ZFP64: variants seen among roughly 807,000 people sequenced by gnomAD.
The protein encoded by ZFP64 is ZFP64 zinc finger protein.
ZFP64 carries 14 observed loss-of-function variants against 51.6 expected under a neutral mutation model. The ratio of observed to expected loss-of-function variants is 0.27; its 90% CI spans 0.18 to 0.42. The LOEUF is 0.42. Among genes scored for constraint, ZFP64 ranks in the 10% least tolerant of loss-of-function variants. The probability of loss-of-function intolerance (pLI) is 1.00; values close to 1 mark genes in which losing one functional copy is unlikely to be tolerated. For missense variants in ZFP64, 754 were observed against 906.8 expected, an observed-to-expected ratio of 0.83 and a Z score of 2.16; for synonymous variants, 375 against 361.4, an observed-to-expected ratio of 1.04 and a Z score of -0.43.
Position 52,164,746 on chromosome 20 carries a change from T to C in ZFP64, c.460A>G (p.Lys154Glu). The C allele has an allele frequency of 1.9e-6, 3 of 1,608,558 alleles. No individual in the cohort carries two copies. The highest frequency in any genetic ancestry group is 2.5e-6 in the Non-Finnish European group (3 of 1,178,620). Residue 154 changes from lysine (K) to glutamate (E), a missense_variant, in exon 4 of 6, where the codon AAG becomes GAG. Coordinates refer to ENST00000216923, the MANE Select transcript of ZFP64 (RefSeq NM_018197.3). Reference protein sequence around the residue: ...LNCCYPGCQFKTAYGMKDMER... With the variant: ...LNCCYPGCQFETAYGMKDMER... ...ATGTCCTTCATGCCATAAGCAGTCTTGAATTGGCAACCTAAAAAAAAAAAG... is the reference window on the plus strand; with the variant it reads ...ATGTCCTTCATGCCATAAGCAGTCTCGAATTGGCAACCTAAAAAAAAAAAG...
intron 5 of ZFP64, among the ~76,000 whole-genome samples, chr20:52,142,300 G>A (rs1045218773): frequency 1.6e-4 from 25 of 151,730 alleles, no homozygotes; most frequent in Non-Finnish European, 2.2e-4. Context: ...CTCGGGCGGC[G>A]GAGGTTGCAG....
In ZFP64 at chr20:52,152,641, A is replaced by G. The variant is rs1304471761; in HGVS notation, c.1551T>C (p.Ala517=). The G allele has an allele frequency of 5.2e-6, 8 of 1,534,100 alleles. No individual in the cohort carries two copies. The highest frequency in any genetic ancestry group is 7.0e-6 in the Non-Finnish European group (8 of 1,144,742). The change falls in exon 6 of 6, where the codon GCT becomes GCC. Residue 517 remains alanine, a synonymous_variant. Transcript: ENST00000216923. ...AGGCAGGCGGGACGATGTTCACTGC[A>G]GCGGCGGCAGCCTGGACGATGGTGT... ...QANTIVQAAA[A]AVNIVPPALV... is the part of the protein sequence containing the mutation.
intron 5 of ZFP64, chr20:52,117,587 C>T (rs371031712): frequency 4.4e-6 from 2 of 452,952 alleles, no homozygotes; most frequent in Non-Finnish European, 8.9e-6. Context: ...CCATTGCACT[C>T]TAGCCTGGGC....
At chr20:52,174,259 G>T (rs533788420) in intron 2 of ZFP64, among the ~76,000 whole-genome samples, 134 of 150,924 alleles carry the variant, frequency 8.9e-4, no homozygotes, top group African/African-American at 2.9e-3. Context: ...GCTGAGGCAG[G>T]CGGATCACCT....
intron 5 of ZFP64, among the ~76,000 whole-genome samples, 190 bp downstream of exon 5, chr20:52,159,933 C>T (rs565818813): frequency 6.6e-6 from 1 of 152,148 alleles, no homozygotes; most frequent in Non-Finnish European, 1.5e-5. Context: ...TGAGATAGCG[C>T]CACTGCACTC....
rs1428689879 is a variant in ZFP64, at chr20:52,152,176, C to A, written c.2016G>T (p.Leu672Phe). Residue 672 changes from leucine (L) to phenylalanine (F), a missense_variant, in exon 6 of 6, where the codon TTG (leucine) becomes TTT (phenylalanine). This residue lies in a region of ZFP64 where 428 missense variants were observed against 472.4 expected (regional missense o/e 0.91). Transcript: ENST00000216923. The part of the protein sequence containing the change: ...SIIQGAAHPA[L>F]LCPADSIPD ...CTGGAATGGAGTCGGCGGGACAGAGCAAAGCTGGATGGGCTGCCCCTTGAA... is the reference window on the plus strand; with the variant it reads ...CTGGAATGGAGTCGGCGGGACAGAGAAAAGCTGGATGGGCTGCCCCTTGAA... The A allele has an allele frequency of 1.2e-6, 2 of 1,614,136 alleles. No individual in the cohort carries two copies. The highest frequency in any genetic ancestry group is 1.7e-6 in the Non-Finnish European group (2 of 1,180,022).
At chr20:52,099,246 G>C (rs2079025672) in intron 5 of ZFP64, among the ~76,000 whole-genome samples, 1 of 152,080 alleles carries the variant, frequency 6.6e-6, no homozygotes, top group South Asian at 2.1e-4. Context: ...AGAATTAGGG[G>C]AGAGGTGGAA....
chr20:52,185,672 C>T (rs1486574794), intron 2 of ZFP64, among the ~76,000 whole-genome samples: 1 of 151,306 alleles, frequency 6.6e-6, no homozygotes, highest in Non-Finnish European at 1.5e-5. Context: ...CCTCTGCCTC[C>T]TGGGTTCAAG....
intron 5 of ZFP64, among the ~76,000 whole-genome samples, chr20:52,099,091 G>A (rs569712110): frequency 6.6e-6 from 1 of 151,672 alleles, no homozygotes; most frequent in Non-Finnish European, 1.5e-5. Flanking sequence ...AAGTACAGGG[G>A]ACAGGACACT....
At chr20:52,124,418 AT>A (rs986717980) in intron 5 of ZFP64, among the ~76,000 whole-genome samples, 1 of 151,888 alleles carries the variant, frequency 6.6e-6, no homozygotes, top group African/African-American at 2.4e-5. Flanking sequence ...AAATCTTTGA[AT>A]TTTTTTTACC....
At chr20:52,187,731 A>G (rs972300028) in intron 1 of ZFP64, among the ~76,000 whole-genome samples, 3 of 152,154 alleles carry the variant, frequency 2.0e-5, no homozygotes, top group Admixed American at 2.0e-4. Flanking sequence ...ATTGGAAATA[A>G]TGTATAGCAA....
chr20:52,175,933 C>G (rs1983170197), intron 2 of ZFP64: 1 of 976,734 alleles, frequency 1.0e-6, no homozygotes, highest in Non-Finnish European at 1.2e-6. Context: ...TTACGCTGTT[C>G]CCAAACGGCC....
At chr20:52,147,252 A>T (rs946591584), downstream of ZFP64, among the ~76,000 whole-genome samples, 1 of 152,124 alleles carries the variant, frequency 6.6e-6, no homozygotes, top group Non-Finnish European at 1.5e-5. Context: ...CCCAGGCTGG[A>T]GTGCAGTGGC....
At chr20:52,146,886 G>A (rs779416191), downstream of ZFP64, among the ~76,000 whole-genome samples, 2 of 152,178 alleles carry the variant, frequency 1.3e-5, no homozygotes, top group South Asian at 2.1e-4. Flanking sequence ...TGTTTTGGAA[G>A]AATAATTCAA....
At chr20:52,179,788 C>T (rs1983486062) in intron 2 of ZFP64, among the ~76,000 whole-genome samples, 1 of 152,140 alleles carries the variant, frequency 6.6e-6, no homozygotes, top group African/African-American at 2.4e-5. Context: ...TAGGTTTGGG[C>T]TCATGTTAGA....
intron 5 of ZFP64, among the ~76,000 whole-genome samples, chr20:52,123,657 G>A (rs1175822407): frequency 1.3e-5 from 2 of 152,180 alleles, no homozygotes; most frequent in African/African-American, 4.8e-5. Context: ...CCAGTATAGT[G>A]TAAATATAGC....
rs185257372 is a variant in ZFP64 at position 52,117,719 on chromosome 20, C to T, written c.764-19132G>A. On this transcript the variant is annotated intron_variant, in intron 5 of 8. Transcript: ENST00000361387. ...CAGCATGGGTGTGGACCAGCTGGGC[C>T]ATAGAATAGGTTTGCATTCAACTTG... is the stretch of plus-strand genomic sequence containing the variant. The T allele has an allele frequency of 2.5e-4, 113 of 455,482 alleles. 2 individuals carry two copies. The Admixed American group carries it at 2.6e-3, about 11-fold the overall frequency. 28.2% of individuals were successfully genotyped at this position (455,482 alleles called of 1,614,324 possible).
chr20:52,129,096 T>C (rs1355251717), intron 5 of ZFP64, among the ~76,000 whole-genome samples: 3 of 139,202 alleles, frequency 2.2e-5, no homozygotes, highest in Admixed American at 7.2e-5. Context: ...TTTTTTTTTT[T>C]CTTGAGATGG....
At chr20:52,184,332 C>G (rs1983812668) in intron 2 of ZFP64, among the ~76,000 whole-genome samples, 1 of 152,166 alleles carries the variant, frequency 6.6e-6, no homozygotes, top group Non-Finnish European at 1.5e-5. Flanking sequence ...CTGGCTGGAT[C>G]CAAAGAACAG....
Sources: gnomAD v4.1 joint callset for allele counts (sites outside exome capture counted in the v4.1 genomes callset) on GRCh38, gnomAD v4.1.1 for gene constraint, gnomAD v4.1.1 regional missense constraint, MANE v1.5 for transcripts, NCBI Gene and HGNC (gene_info 2026-07-23, HGNC 2026-07-21) for gene names.